Variants in LRRTM4 observed in about 807,000 individuals in gnomAD.
LRRTM4 encodes the protein leucine-rich repeat transmembrane neuronal protein 4.
A neutral mutation model predicts 47.6 loss-of-function variants in LRRTM4; 25 were observed. The observed-to-expected ratio is 0.53, with a 90% CI of 0.38 to 0.73. LRRTM4 has a LOEUF of 0.73. Among genes scored for constraint, LRRTM4 ranks in the 30% least tolerant of loss-of-function variants. LRRTM4 has a pLI of 0.00. For missense variants in LRRTM4, 638 were observed against 713.4 expected (o/e 0.89, Z 1.20); for synonymous variants, 311 against 269.5 (o/e 1.15, Z -1.51).
At chr2:77,300,920 T>C (rs1677118755) in intron 3 of LRRTM4, among the ~76,000 whole-genome samples, 1 of 152,156 alleles carries the variant, frequency 6.6e-6, no homozygotes, top group African/African-American at 2.4e-5. Context: ...CATTTATCAG[T>C]TGTGCTAAAT....
intron 3 of LRRTM4, among the ~76,000 whole-genome samples, chr2:77,399,974 G>A (rs1673877335): frequency 6.6e-6 from 1 of 151,792 alleles, no homozygotes; most frequent in African/African-American, 2.4e-5. Flanking sequence ...ACTCGCTAAT[G>A]GCTAATTTAT....
chr2:76,855,780 T>A (rs1672131379), intron 3 of LRRTM4, among the ~76,000 whole-genome samples: 1 of 152,124 alleles, frequency 6.6e-6, no homozygotes, highest in African/African-American at 2.4e-5. Flanking sequence ...CTATGAGAGC[T>A]TAATAACAAG....
At chr2:77,047,970 A>G (rs971712778) in intron 3 of LRRTM4, among the ~76,000 whole-genome samples, 1 of 152,016 alleles carries the variant, frequency 6.6e-6, no homozygotes, top group Non-Finnish European at 1.5e-5. Flanking sequence ...TTTTCAAATA[A>G]TGCTCATTTG....
chr2:77,051,607 C>A (rs1679435102), intron 3 of LRRTM4, among the ~76,000 whole-genome samples: 1 of 152,138 alleles, frequency 6.6e-6, no homozygotes, highest in African/African-American at 2.4e-5. Context: ...AAAATTAATA[C>A]ATGTAATGTC....
At chr2:76,818,135 A>T (rs374985205) in intron 3 of LRRTM4, among the ~76,000 whole-genome samples, 2 of 151,942 alleles carry the variant, frequency 1.3e-5, no homozygotes, top group East Asian at 3.9e-4. Flanking sequence ...TGTAATATAC[A>T]TTTAAGCTGG....
chr2:77,513,158 C>A (rs922278324), intron 3 of LRRTM4, among the ~76,000 whole-genome samples: 4 of 152,124 alleles, frequency 2.6e-5, no homozygotes, highest in African/African-American at 9.7e-5. Context: ...CATGTGCTCA[C>A]ACATGTGTAT....
chr2:77,081,391 A>G (rs559825030), intron 3 of LRRTM4, among the ~76,000 whole-genome samples: 8 of 152,092 alleles, frequency 5.3e-5, no homozygotes, highest in Non-Finnish European at 8.8e-5. Context: ...ATTAAATGTA[A>G]AAGGTGTTCA....
intron 3 of LRRTM4, among the ~76,000 whole-genome samples, chr2:77,495,449 A>T (rs951992352): frequency 1.3e-5 from 2 of 152,028 alleles, no homozygotes; most frequent in African/African-American, 2.4e-5. Flanking sequence ...TTCTGTTGTC[A>T]TATATAATAA....
chr2:77,145,222 T>G lies in LRRTM4; in HGVS notation c.1551+373096A>C, dbSNP rs187971746. Among the ~76,000 whole-genome samples the G allele has an allele frequency of 5.2e-3, 786 of 150,706 alleles. 11 individuals carry two copies. Among genetic ancestry groups the G allele is most frequent in the African/African-American group, 0.019 (765 of 41,294 alleles). On this transcript the variant is annotated intron_variant, in intron 3 of 3. Coordinates refer to ENST00000409884, the MANE Select transcript of LRRTM4 (RefSeq NM_001134745.3). ...ATATGTATGTGTGTGTGTGTGTGTGTGTATATCTCATAGATATATATATCT... is the reference window on the plus strand; with the variant it reads ...ATATGTATGTGTGTGTGTGTGTGTGGGTATATCTCATAGATATATATATCT...
intron 3 of LRRTM4, among the ~76,000 whole-genome samples, chr2:77,344,121 T>C (rs771482949): frequency 1.7e-4 from 26 of 151,812 alleles, no homozygotes; most frequent in Non-Finnish European, 3.1e-4. Context: ...AACAGATACA[T>C]GAGGTAAACA....
At chr2:77,153,497 TA>T (rs1672482118) in intron 3 of LRRTM4, among the ~76,000 whole-genome samples, 1 of 152,158 alleles carries the variant, frequency 6.6e-6, no homozygotes, top group African/African-American at 2.4e-5. Context: ...AAAACCAAGA[TA>T]AATACAGTTA....
intron 3 of LRRTM4, among the ~76,000 whole-genome samples, chr2:77,363,952 G>A (rs183727520): frequency 6.6e-6 from 1 of 152,178 alleles, no homozygotes; most frequent in East Asian, 1.9e-4. Context: ...TACAAGTGAT[G>A]TATAATTCCC....
At chr2:77,195,916 T>A (rs1025558957) in intron 3 of LRRTM4, among the ~76,000 whole-genome samples, 2 of 152,080 alleles carry the variant, frequency 1.3e-5, no homozygotes, top group African/African-American at 4.8e-5. Context: ...AGGTAGTATT[T>A]AAAACGGATC....
chr2:77,002,944 A>C (rs1677486324), intron 3 of LRRTM4, among the ~76,000 whole-genome samples: 1 of 152,064 alleles, frequency 6.6e-6, no homozygotes, highest in Admixed American at 6.6e-5. Flanking sequence ...AGTTTTCTGG[A>C]CCACACCAAT....
intron 3 of LRRTM4, among the ~76,000 whole-genome samples, chr2:76,862,626 C>T (rs573822572): frequency 3.3e-5 from 5 of 152,310 alleles, no homozygotes; most frequent in Admixed American, 3.3e-4. Flanking sequence ...AAATATCTCA[C>T]ACACGCGTGC....
At chr2:76,907,167 C>T (rs62170299) in intron 3 of LRRTM4, among the ~76,000 whole-genome samples, 1 of 151,296 alleles carries the variant, frequency 6.6e-6, no homozygotes. Context: ...TGCAATCAAA[C>T]TAGAACTCAG....
intron 3 of LRRTM4, among the ~76,000 whole-genome samples, chr2:77,488,516 G>A (rs1463781250): frequency 1.3e-5 from 2 of 152,136 alleles, no homozygotes; most frequent in African/African-American, 4.8e-5. Flanking sequence ...TTAGGCAAAG[G>A]CACCACTGAT....
intron 3 of LRRTM4, among the ~76,000 whole-genome samples, chr2:77,505,333 T>C (rs2104088456): frequency 6.6e-6 from 1 of 151,610 alleles, no homozygotes; most frequent in East Asian, 1.9e-4. Context: ...CTATTGTTAA[T>C]TTTTATAAAT....
chr2:76,797,550 G>C (rs990875671), intron 3 of LRRTM4, among the ~76,000 whole-genome samples: 1 of 151,550 alleles, frequency 6.6e-6, no homozygotes, highest in Non-Finnish European at 1.5e-5. Flanking sequence ...GGAAGAAACT[G>C]CATCAACTAA....
Sources: allele counts gnomAD v4.1 joint callset (sites outside exome capture counted in the v4.1 genomes callset), GRCh38; gene constraint gnomAD v4.1.1; transcripts MANE v1.5; gene names NCBI Gene and HGNC (gene_info 2026-07-23, HGNC 2026-07-21).